Variants in CNTN4 observed in about 807,000 individuals in gnomAD.
CNTN4 encodes the protein contactin 4.
A neutral mutation model predicts 122.5 loss-of-function variants in CNTN4; 77 were observed. That is an observed-to-expected ratio of 0.63 (90% CI 0.52 to 0.76). The LOEUF is 0.76. CNTN4 is among the 30% of genes least tolerant of loss of function. CNTN4 has a pLI of 0.00. For synonymous variants in CNTN4, 512 were observed against 447.0 expected (o/e 1.15, Z -1.83); for missense variants, 1,256 against 1,259.1 (o/e 1.00, Z 0.04).
chr3:2,290,520 G>C (rs1197950324), intron 2 of CNTN4, among the ~76,000 whole-genome samples: 1 of 152,166 alleles, frequency 6.6e-6, no homozygotes, highest in Non-Finnish European at 1.5e-5. Flanking sequence ...TGGATAAAAA[G>C]AGAGAAAGAC....
At chr3:2,497,772 AATCT>A (rs1419142324) in intron 3 of CNTN4, among the ~76,000 whole-genome samples, 3 of 152,204 alleles carry the variant, frequency 2.0e-5, no homozygotes, top group Admixed American at 2.0e-4. Flanking sequence ...CACTTAACAG[AATCT>A]ATAACTATTG....
At chr3:2,451,919 CAG>C (rs1189159906) in intron 3 of CNTN4, among the ~76,000 whole-genome samples, 1 of 152,104 alleles carries the variant, frequency 6.6e-6, no homozygotes, top group Non-Finnish European at 1.5e-5. Context: ...AACAAGAACT[CAG>C]GGCACACATT....
intron 12 of CNTN4, among the ~76,000 whole-genome samples, chr3:2,908,265 C>T (rs1457432270): frequency 1.3e-5 from 2 of 152,138 alleles, no homozygotes; most frequent in African/African-American, 4.8e-5. Flanking sequence ...GAAAAAATAA[C>T]TTTTCTAAAG....
intron 12 of CNTN4, among the ~76,000 whole-genome samples, chr3:2,907,848 T>C (rs1294898002): frequency 6.6e-6 from 1 of 152,218 alleles, no homozygotes; most frequent in Non-Finnish European, 1.5e-5. Context: ...AATTAATCTG[T>C]GTGCTGGGTG....
intron 3 of CNTN4, among the ~76,000 whole-genome samples, chr3:2,356,887 A>C (rs1483392115): frequency 6.6e-6 from 1 of 152,202 alleles, no homozygotes; most frequent in Non-Finnish European, 1.5e-5. Flanking sequence ...CTAGCTTCTT[A>C]ACTAAGAATA....
At chr3:2,837,027 C>T (rs1386980350) in intron 7 of CNTN4, among the ~76,000 whole-genome samples, 2 of 152,118 alleles carry the variant, frequency 1.3e-5, no homozygotes, top group Admixed American at 6.6e-5. Flanking sequence ...GGTGATGATA[C>T]ATGAAGGTTC....
In CNTN4 at chr3:2,302,295, G is replaced by T. The variant is rs192599572; in HGVS notation, c.-144-36883G>T. The stretch of plus-strand genomic sequence containing the variant: ...AATACAAAACTTAGCCGGCATGGTG[G>T]TGCACACCTGTAATCTCAGCTACTG... On this transcript the variant is annotated intron_variant, in intron 2 of 24. Transcript: ENST00000418658. Among the ~76,000 whole-genome samples the T allele has an allele frequency of 1.9e-3, 282 of 152,230 alleles. 1 individual carries two copies. Among genetic ancestry groups the T allele is most frequent in the African/African-American group, 6.4e-3 (265 of 41,530 alleles).
intron 6 of CNTN4, among the ~76,000 whole-genome samples, chr3:2,788,946 G>T (rs1249751484): frequency 2.0e-5 from 3 of 151,980 alleles, no homozygotes; most frequent in Non-Finnish European, 4.4e-5. Context: ...CACAAAAACA[G>T]AAAAAAAGTT....
At chr3:2,992,172 A>G (rs1695117630) in intron 14 of CNTN4, among the ~76,000 whole-genome samples, 1 of 152,204 alleles carries the variant, frequency 6.6e-6, no homozygotes, top group Admixed American at 6.5e-5. Flanking sequence ...CTGACAAGCA[A>G]TCATCACATG....
intron 4 of CNTN4, among the ~76,000 whole-genome samples, chr3:2,721,417 C>T (rs1353178493): frequency 2.0e-5 from 3 of 152,118 alleles, no homozygotes; most frequent in African/African-American, 7.2e-5. Flanking sequence ...AGAAATAATA[C>T]CTGCCTTAGC....
chr3:2,803,780 C>T (rs568060721), intron 6 of CNTN4, among the ~76,000 whole-genome samples: 4 of 151,986 alleles, frequency 2.6e-5, no homozygotes, highest in East Asian at 3.9e-4. Flanking sequence ...AGGTTGGTCT[C>T]GAACTCCTGA....
intron 14 of CNTN4, among the ~76,000 whole-genome samples, chr3:3,018,397 G>C (rs1322114851): frequency 6.6e-6 from 1 of 152,118 alleles, no homozygotes; most frequent in African/African-American, 2.4e-5. Flanking sequence ...GTTCTGTGGA[G>C]TATTCATTTT....
chr3:2,188,874 G>T (rs1308189602), intron 2 of CNTN4, among the ~76,000 whole-genome samples: 1 of 152,118 alleles, frequency 6.6e-6, no homozygotes, highest in Non-Finnish European at 1.5e-5. Context: ...AAGACTATCA[G>T]CTACAAAGAC....
intron 6 of CNTN4, among the ~76,000 whole-genome samples, chr3:2,751,230 C>T (rs889561415): frequency 2.0e-5 from 3 of 151,996 alleles, no homozygotes; most frequent in African/African-American, 7.3e-5. Flanking sequence ...ATGGCTTGAA[C>T]CTGGGAGGCA....
At chr3:2,790,578 T>G (rs1516394) in intron 6 of CNTN4, among the ~76,000 whole-genome samples, 62,384 of 151,952 alleles carry the variant, frequency 0.41, 12,868 homozygotes, top group South Asian at 0.47. Flanking sequence ...GAGAACTTTC[T>G]GTTTAACATG....
At chr3:2,901,934 C>G (rs1044478018) in intron 11 of CNTN4, among the ~76,000 whole-genome samples, 7 of 152,072 alleles carry the variant, frequency 4.6e-5, no homozygotes, top group African/African-American at 1.4e-4. Context: ...GGATCAGCCT[C>G]CTGAGGAGTG....
At chr3:2,766,040 C>G (rs1214178512) in intron 6 of CNTN4, among the ~76,000 whole-genome samples, 1 of 152,084 alleles carries the variant, frequency 6.6e-6, no homozygotes, top group African/African-American at 2.4e-5. Flanking sequence ...TATGATGGCC[C>G]TTGAGAAGGC....
chr3:2,801,816 G>A (rs570126521), intron 6 of CNTN4, among the ~76,000 whole-genome samples: 2 of 152,166 alleles, frequency 1.3e-5, no homozygotes. Context: ...CTTATTAGAG[G>A]TTTAATTCTA....
intron 4 of CNTN4, among the ~76,000 whole-genome samples, chr3:2,572,007 G>A (rs1213274350): frequency 2.6e-5 from 4 of 152,120 alleles, no homozygotes; most frequent in African/African-American, 7.2e-5. Context: ...TCATTTCAAT[G>A]TACTACAGTT....
Sources: gnomAD v4.1 joint callset for allele counts (sites outside exome capture counted in the v4.1 genomes callset) on GRCh38, gnomAD v4.1.1 for gene constraint, MANE v1.5 for transcripts, NCBI Gene and HGNC (gene_info 2026-07-23, HGNC 2026-07-21) for gene names.